The following CPNE4 variants were observed in gnomAD, a reference collection of about 807,000 sequenced individuals.
CPNE4 encodes copine 4.
In CPNE4, 25 loss-of-function variants were observed where a neutral mutation model predicts 67.9. The ratio of observed to expected loss-of-function variants is 0.37; its 90% CI spans 0.27 to 0.51. The LOEUF is 0.51. Among genes scored for constraint, CPNE4 ranks in the 20% least tolerant of loss-of-function variants. CPNE4 has a pLI of 0.93. For synonymous variants in CPNE4, 242 were observed against 244.9 expected, an observed-to-expected ratio of 0.99 and a Z score of 0.11; for missense variants, 464 against 690.8, an observed-to-expected ratio of 0.67 and a Z score of 3.68.
chr3:131,723,323 G>C, intron 3 of CPNE4, 123 bp downstream of exon 3: 1 of 840,992 alleles, frequency 1.2e-6, no homozygotes, highest in Non-Finnish European at 1.9e-6. Context: ...GTAAAATGCT[G>C]CATGTTAAAG....
rs138477689 is a variant in CPNE4, at chr3:131,612,707, C to T, written c.682-25125G>A. ...CATCACTAATCCATCATATAATTTC[C>T]TCACTGAGCTGAGATAAAACCTACG... On this transcript the variant is annotated intron_variant, in intron 7 of 15. Transcript: ENST00000429747. 2.6e-5 allele frequency among the ~76,000 whole-genome samples: 4 copies of T among 152,290 alleles called. No homozygotes were observed. In the East Asian group the frequency reaches 7.7e-4, roughly 29 times the overall value.
At chr3:131,690,153 C>T (rs962418912) in intron 5 of CPNE4, among the ~76,000 whole-genome samples, 3 of 152,024 alleles carry the variant, frequency 2.0e-5, no homozygotes, top group Non-Finnish European at 4.4e-5. Context: ...TTACATCAAA[C>T]TATAAACATA....
In CPNE4 at chr3:131,932,238, T is replaced by A. The variant is rs911813199; in HGVS notation, c.-1-26794A>T. Among the ~76,000 whole-genome samples the A allele has an allele frequency of 5.3e-5, 8 of 152,312 alleles. No homozygotes were observed. The East Asian group carries it at 9.7e-4, about 18-fold the overall frequency. On this transcript the variant is annotated intron_variant, in intron 1 of 15. Coordinates refer to ENST00000429747, the MANE Select transcript of CPNE4 (RefSeq NM_130808.3). ...AAGGCCTCATTACCATAAAATCAGC[T>A]GGTTCAGTTCCAAGGTCACAGTATA... is the stretch of plus-strand genomic sequence containing the variant.
At chr3:131,663,509 AAACTT>A (rs1052887880) in intron 7 of CPNE4, among the ~76,000 whole-genome samples, 1 of 152,166 alleles carries the variant, frequency 6.6e-6, no homozygotes, top group African/African-American at 2.4e-5. Flanking sequence ...ATAAAGTAAA[AAACTT>A]AAAGGAAAAA....
intron 2 of CPNE4, among the ~76,000 whole-genome samples, chr3:131,803,188 A>G (rs1183422696): frequency 1.3e-5 from 2 of 152,234 alleles, no homozygotes; most frequent in Admixed American, 1.3e-4. Flanking sequence ...TCGACAAATT[A>G]CATAATGTCC....
intron 7 of CPNE4, among the ~76,000 whole-genome samples, chr3:131,662,324 C>T (rs1245064182): frequency 6.6e-6 from 1 of 152,058 alleles, no homozygotes. Context: ...TTGAAGATGG[C>T]CTGGTCACAC....
At chr3:131,786,866 C>T (rs1041883205) in intron 2 of CPNE4, among the ~76,000 whole-genome samples, 4 of 152,056 alleles carry the variant, frequency 2.6e-5, no homozygotes, top group Non-Finnish European at 5.9e-5. Context: ...TTTGTATTGT[C>T]TGGGGAAAAT....
intron 2 of CPNE4, among the ~76,000 whole-genome samples, chr3:131,732,496 T>C (rs1057402185): frequency 6.6e-6 from 1 of 152,162 alleles, no homozygotes; most frequent in Non-Finnish European, 1.5e-5. Flanking sequence ...AGTAGGAGAC[T>C]AGAAGACAGG....
At chr3:131,845,196 T>C (rs1388873072) in intron 2 of CPNE4, among the ~76,000 whole-genome samples, 5 of 152,224 alleles carry the variant, frequency 3.3e-5, no homozygotes, top group Non-Finnish European at 7.3e-5. Context: ...TATGTGGCTG[T>C]TGCATCATCA....
chr3:132,019,198 T>C (rs575764949), intron 1 of CPNE4, among the ~76,000 whole-genome samples: 28 of 152,246 alleles, frequency 1.8e-4, no homozygotes, highest in African/African-American at 6.7e-4. Context: ...AGGAACAATA[T>C]TTACAAATAA....
At chr3:131,569,984 A>G (rs1196622907) in intron 10 of CPNE4, among the ~76,000 whole-genome samples, 1 of 151,946 alleles carries the variant, frequency 6.6e-6, no homozygotes, top group African/African-American at 2.4e-5. Flanking sequence ...TTTTATATAT[A>G]TATAGTTGTA....
intron 2 of CPNE4, among the ~76,000 whole-genome samples, chr3:131,892,672 T>C (rs1173535398): frequency 6.6e-6 from 1 of 151,970 alleles, no homozygotes; most frequent in Non-Finnish European, 1.5e-5. Context: ...TAAAGGTAAA[T>C]TAAGGCAACA....
chr3:131,735,595 G>A (rs1477154506), intron 2 of CPNE4, among the ~76,000 whole-genome samples: 1 of 152,182 alleles, frequency 6.6e-6, no homozygotes, highest in East Asian at 1.9e-4. Context: ...TCTCTGTCAT[G>A]AAATACATAT....
At chr3:131,952,182 C>T (rs1318366801) in intron 1 of CPNE4, among the ~76,000 whole-genome samples, 1 of 149,822 alleles carries the variant, frequency 6.7e-6, no homozygotes, top group African/African-American at 2.5e-5. Flanking sequence ...GGCCGCCCAT[C>T]GTCTGAGATG....
chr3:131,695,773 C>G (rs1380186473), intron 5 of CPNE4, among the ~76,000 whole-genome samples: 1 of 152,140 alleles, frequency 6.6e-6, no homozygotes, highest in Non-Finnish European at 1.5e-5. Flanking sequence ...ATTCAAGACA[C>G]TTTTAAAATC....
At chr3:131,852,532 A>C (rs2086278888) in intron 2 of CPNE4, among the ~76,000 whole-genome samples, 1 of 152,004 alleles carries the variant, frequency 6.6e-6, no homozygotes, top group South Asian at 2.1e-4. Flanking sequence ...CATAAAGCAC[A>C]TCTATGACAA....
intron 3 of CPNE4, among the ~76,000 whole-genome samples, chr3:131,700,899 G>A (rs926805173): frequency 2.0e-5 from 3 of 151,936 alleles, no homozygotes; most frequent in African/African-American, 7.3e-5. Flanking sequence ...ATACACCATG[G>A]AATACTATGC....
chr3:131,956,684 TAA>T (rs533741673), intron 1 of CPNE4, among the ~76,000 whole-genome samples: 38 of 152,186 alleles, frequency 2.5e-4, no homozygotes, highest in Non-Finnish European at 4.0e-4. Context: ...GATTGATATA[TAA>T]AGTGTGTCCT....
chr3:131,903,239 A>C (rs2088617919), intron 2 of CPNE4, among the ~76,000 whole-genome samples: 1 of 152,080 alleles, frequency 6.6e-6, no homozygotes, highest in Non-Finnish European at 1.5e-5. Flanking sequence ...AAACAGGTCT[A>C]TTTGTGCTCT....
Sources: gnomAD v4.1 joint callset for allele counts (sites outside exome capture counted in the v4.1 genomes callset) on GRCh38, gnomAD v4.1.1 for gene constraint, MANE v1.5 for transcripts, NCBI Gene and HGNC (gene_info 2026-07-23, HGNC 2026-07-21) for gene names.